TBC1D31: variants seen among roughly 807,000 people sequenced by gnomAD.
The protein encoded by TBC1D31 is TBC1 domain family member 31.
Under a neutral mutation model 132.9 loss-of-function variants are expected in TBC1D31, and 99 were observed. The ratio of observed to expected loss-of-function variants is 0.74; its 90% confidence interval spans 0.63 to 0.88. The LOEUF is 0.88. Among genes scored for constraint, TBC1D31 ranks in the 40% least tolerant of loss-of-function variants. The pLI is 0.00. For missense variants in TBC1D31, 1,134 were observed against 1,256.6 expected, an observed-to-expected ratio of 0.90 and a Z score of 1.48; for synonymous variants, 385 against 419.4, an observed-to-expected ratio of 0.92 and a Z score of 1.00.
At chr8:123,134,834 T>G (rs1820930798) in intron 17 of TBC1D31, among the ~76,000 whole-genome samples, 1 of 152,326 alleles carries the variant, frequency 6.6e-6, no homozygotes, top group Admixed American at 6.5e-5. Context: ...ATTATCTCAA[T>G]ACCTCACAAG....
chr8:123,093,402 GT>G lies in TBC1D31; in HGVS notation c.520-179del, dbSNP rs774641911. ...AGTGTACCTAGTTTTCGTTTGAAGG[GT>G]TTTTTTTTTAGTTAATAATAATTTA... On this transcript the variant is annotated intron_variant, in intron 4 of 21. Coordinates refer to ENST00000287380, the MANE Select transcript of TBC1D31 (RefSeq NM_145647.4). Among the ~76,000 whole-genome samples the G allele has an allele frequency of 2.0e-3, 287 of 146,630 alleles. 2 individuals carry two copies. Among genetic ancestry groups the G allele is most frequent in the Middle Eastern group, 3.6e-3 (1 of 276 alleles).
At chr8:123,074,402 T>G (rs149692008) in intron 1 of TBC1D31, among the ~76,000 whole-genome samples, 1 of 152,184 alleles carries the variant, frequency 6.6e-6, no homozygotes, top group African/African-American at 2.4e-5. Flanking sequence ...GGTTCCTGGT[T>G]ACTGTCAGGC....
chr8:123,111,973 C>T (rs866026227), intron 10 of TBC1D31, among the ~76,000 whole-genome samples: 2 of 152,172 alleles, frequency 1.3e-5, no homozygotes, highest in Non-Finnish European at 1.5e-5. Flanking sequence ...CCCCCCTTAG[C>T]CTCCCAAGTA....
intron 11 of TBC1D31, among the ~76,000 whole-genome samples, chr8:123,121,109 C>T (rs930874701): frequency 2.6e-5 from 4 of 151,766 alleles, no homozygotes; most frequent in African/African-American, 9.7e-5. Flanking sequence ...ACCCGCCACA[C>T]CATGCCCAGC....
chr8:123,142,332 A>G lies in TBC1D31; in HGVS notation c.2711A>G (p.His904Arg), dbSNP rs748210292. Residue 904 changes from histidine (H) to arginine (R), a missense_variant, in exon 19 of 22, where the codon CAT becomes CGT. Coordinates refer to ENST00000287380, the MANE Select transcript of TBC1D31 (RefSeq NM_145647.4). ...ACCGACTGGCAGATTCAGTCTTTAC[A>G]TAAACAAAAATGTGATGATCTACAA... ...LNTDWQIQSL[H>R]KQKCDDLQRN... 1.9e-6 allele frequency: 3 copies of G among 1,611,190 alleles called. No homozygotes were observed. The highest frequency in any genetic ancestry group is 1.7e-6 in the Non-Finnish European group (2 of 1,179,132).
chr8:123,077,836 G>T (rs539719016), intron 2 of TBC1D31, among the ~76,000 whole-genome samples: 27 of 152,284 alleles, frequency 1.8e-4, no homozygotes, highest in African/African-American at 6.5e-4. Flanking sequence ...ATCGCTTGAG[G>T]TCAGGAGTTC....
intron 2 of TBC1D31, among the ~76,000 whole-genome samples, chr8:123,081,360 A>T (rs1407266446): frequency 7.0e-6 from 1 of 143,398 alleles, no homozygotes; most frequent in African/African-American, 2.7e-5. Flanking sequence ...TTCTGCTACT[A>T]CTACCTACTA....
At chr8:123,093,303 T>C (rs557898441) in intron 4 of TBC1D31, among the ~76,000 whole-genome samples, 201 of 152,252 alleles carry the variant, frequency 1.3e-3, no homozygotes, top group African/African-American at 4.7e-3. Context: ...CTTGTTTTCA[T>C]TTAACTCTTT....
the TBC1D31 span, among the ~76,000 whole-genome samples, chr8:123,159,809 A>G: frequency 6.6e-6 from 1 of 152,070 alleles, no homozygotes; most frequent in Non-Finnish European, 1.5e-5. Flanking sequence ...AAAAAAAGCT[A>G]AGATCAATGA....
chr8:123,133,016 G>C (rs7833077), intron 16 of TBC1D31, among the ~76,000 whole-genome samples: 56,383 of 151,972 alleles, frequency 0.37, 10,786 homozygotes, highest in African/African-American at 0.43. Context: ...GCCTACCCTT[G>C]CAGCCTCCTG....
intron 10 of TBC1D31, among the ~76,000 whole-genome samples, chr8:123,119,220 G>A (rs371317106): frequency 2.0e-5 from 3 of 152,186 alleles, no homozygotes; most frequent in African/African-American, 4.8e-5. Flanking sequence ...GACACTTTTT[G>A]TGGGGGCTAA....
chr8:123,103,622 C>A (rs145448200), intron 7 of TBC1D31: 1,588 of 152,294 alleles, frequency 0.01, 11 homozygotes, highest in Middle Eastern at 0.027. Context: ...GGTGTTTCAC[C>A]ATGTTGGCCA....
chr8:123,088,957 T>C (rs1471253226), intron 4 of TBC1D31, among the ~76,000 whole-genome samples: 1 of 152,180 alleles, frequency 6.6e-6, no homozygotes, highest in Non-Finnish European at 1.5e-5. Flanking sequence ...AGTCTAAAGG[T>C]TTGAGTAGAT....
the TBC1D31 span, among the ~76,000 whole-genome samples, chr8:123,157,250 C>T: frequency 2.6e-5 from 4 of 152,314 alleles, no homozygotes; most frequent in African/African-American, 2.4e-5. Flanking sequence ...GAGGATCGAA[C>T]TCACGACCTT....
At chr8:123,146,990 C>T (rs1372029281) in intron 20 of TBC1D31, among the ~76,000 whole-genome samples, 2 of 152,136 alleles carry the variant, frequency 1.3e-5, no homozygotes, top group Non-Finnish European at 2.9e-5. Flanking sequence ...CTTAAAACCA[C>T]TCATTACCGC....
chr8:123,108,536 G>A (rs1317637398), intron 8 of TBC1D31, among the ~76,000 whole-genome samples: 2 of 152,144 alleles, frequency 1.3e-5, no homozygotes, highest in South Asian at 2.1e-4. Flanking sequence ...AGAGTGGATT[G>A]CTCTTGATGC....
intron 6 of TBC1D31, among the ~76,000 whole-genome samples, chr8:123,099,347 C>G (rs1186087742): frequency 6.6e-6 from 1 of 152,138 alleles, no homozygotes; most frequent in South Asian, 2.1e-4. Flanking sequence ...GTCTTGATCT[C>G]CTGACCTCGT....
chr8:123,097,386 G>C lies in TBC1D31; in HGVS notation c.776G>C (p.Arg259Pro). Residue 259 changes from arginine (R) to proline (P), a missense_variant, in exon 6 of 22, where the codon CGA becomes CCA. Coordinates refer to ENST00000287380, the MANE Select transcript of TBC1D31 (RefSeq NM_145647.4). ...ATTATCCAGATGCCCACTAAAGTTC[G>C]AGCCATTCGCCATCTGGAATTTCTT... Reference protein sequence around the residue: ...FRIIQMPTKVRAIRHLEFLPD... With the variant: ...FRIIQMPTKVPAIRHLEFLPD... 1 of 1,614,104 alleles carries C rather than the reference G, an allele frequency of 6.2e-7. No homozygotes were observed. The highest frequency in any genetic ancestry group is 8.5e-7 in the Non-Finnish European group (1 of 1,180,022).
chr8:123,126,559 G>C lies in TBC1D31; in HGVS notation c.1756G>C (p.Glu586Gln), dbSNP rs762997967. 9.3e-6 allele frequency: 15 copies of C among 1,613,992 alleles called. No individual in the cohort carries two copies. The South Asian group carries it at 1.6e-4, about 18-fold the overall frequency. ...ETVFSEVLTREEWLKLFDNIF... is the reference protein window; with the variant it reads ...ETVFSEVLTRQEWLKLFDNIF... ...TGTGTTCTCAGAAGTGCTGACAAGAGAGGAGTGGCTGAAATTGTTCGATAA... is the reference window on the plus strand; with the variant it reads ...TGTGTTCTCAGAAGTGCTGACAAGACAGGAGTGGCTGAAATTGTTCGATAA... The change falls in exon 13 of 22, where the codon GAG becomes CAG. Residue 586 changes from glutamate (E) to glutamine (Q), a missense_variant. Transcript: ENST00000287380.
Sources: gnomAD v4.1 joint callset for allele counts (sites outside exome capture counted in the v4.1 genomes callset) on GRCh38, gnomAD v4.1.1 for gene constraint, MANE v1.5 for transcripts, NCBI Gene and HGNC (gene_info 2026-07-23, HGNC 2026-07-21) for gene names.